IDE: variants seen among roughly 807,000 people sequenced by gnomAD.
The protein encoded by IDE is insulin degrading enzyme.
Under a neutral mutation model 133.2 loss-of-function variants are expected in IDE, and 58 were observed. That is an observed-to-expected ratio of 0.44 (90% confidence interval 0.35 to 0.54). The LOEUF is 0.54. IDE is among the 20% of genes least tolerant of loss of function. IDE has a pLI of 0.00. For missense variants in IDE, 981 were observed against 1,234.0 expected, an observed-to-expected ratio of 0.79 and a Z score of 3.07; for synonymous variants, 396 against 421.3, an observed-to-expected ratio of 0.94 and a Z score of 0.73.
chr10:92,547,122 G>A (rs1043374217), intron 1 of IDE, among the ~76,000 whole-genome samples: 5 of 152,006 alleles, frequency 3.3e-5, no homozygotes, highest in African/African-American at 7.2e-5. Flanking sequence ...CACTCCCAGC[G>A]CCCAGGCTGG....
chr10:92,508,583 G>C (rs1415582645), intron 7 of IDE, 145 bp downstream of exon 7: 2 of 553,160 alleles, frequency 3.6e-6, no homozygotes, highest in Non-Finnish European at 3.0e-6. Flanking sequence ...AAAGGCAACA[G>C]CGTGCCAACA....
intron 1 of IDE, among the ~76,000 whole-genome samples, chr10:92,569,535 T>C (rs1843693667): frequency 6.6e-6 from 1 of 152,154 alleles, no homozygotes; most frequent in Non-Finnish European, 1.5e-5. Flanking sequence ...CAAGAAACTT[T>C]AGGAATCTTT....
intron 14 of IDE, among the ~76,000 whole-genome samples, chr10:92,481,272 G>A (rs536881017): frequency 1.2e-4 from 18 of 152,212 alleles, no homozygotes; most frequent in Admixed American, 9.8e-4. Flanking sequence ...TAATTCCAAG[G>A]AGTGTCCTAA....
chr10:92,478,919 C>A, intron 15 of IDE: 1 of 324,860 alleles, frequency 3.1e-6, no homozygotes, highest in Non-Finnish European at 4.8e-6. Flanking sequence ...TATATGCCAA[C>A]CTTAGGTTTT....
intron 11 of IDE, among the ~76,000 whole-genome samples, chr10:92,500,189 C>T (rs183065622): frequency 6.3e-4 from 96 of 151,616 alleles, no homozygotes; most frequent in African/African-American, 2.1e-3. Flanking sequence ...CCCAGCTACT[C>T]GGGAGGCTGA....
intron 1 of IDE, among the ~76,000 whole-genome samples, chr10:92,545,631 C>T (rs1293758726): frequency 6.6e-6 from 1 of 152,136 alleles, no homozygotes; most frequent in African/African-American, 2.4e-5. Context: ...AGCAAAGGGA[C>T]TGTACTGGAC....
At chr10:92,475,481 T>C (rs1029753010) in intron 16 of IDE, among the ~76,000 whole-genome samples, 2 of 152,228 alleles carry the variant, frequency 1.3e-5, no homozygotes, top group African/African-American at 4.8e-5. Context: ...GTGGAAGATA[T>C]GTCAAACCCA....
chr10:92,552,389 A>G (rs1033928318), intron 1 of IDE, among the ~76,000 whole-genome samples: 3 of 152,214 alleles, frequency 2.0e-5, no homozygotes, highest in African/African-American at 7.2e-5. Context: ...TGTGGTACTA[A>G]GTTGGAATCA....
intron 2 of IDE, among the ~76,000 whole-genome samples, chr10:92,536,238 C>G (rs910745109): frequency 6.6e-6 from 1 of 150,948 alleles, no homozygotes; most frequent in Non-Finnish European, 1.5e-5. Flanking sequence ...CCCAAATTAA[C>G]TGGGCATGAT....
rs1352831970 is a variant in IDE at position 92,506,476 on chromosome 10, C to T, written c.1292G>A (p.Arg431Gln). ...AFRFKDKERP[R>Q]GYTSKIAGIL... ...TCCTGCAATCTTAGATGTATAGCCCCGTGGCCTCTCTTTGTCTTTAAACCT... is the reference window on the plus strand; with the variant it reads ...TCCTGCAATCTTAGATGTATAGCCCTGTGGCCTCTCTTTGTCTTTAAACCT... Residue 431 changes from arginine to glutamine, a missense_variant, in exon 10 of 25, where the codon CGG (arginine) becomes CAG (glutamine). Arg to Gln is a conservative substitution (Grantham distance 43). Transcript: ENST00000265986. 7 of 1,596,028 alleles carry T rather than the reference C, an allele frequency of 4.4e-6. No individual in the cohort carries two copies. Among genetic ancestry groups the T allele is most frequent in the Middle Eastern group, 1.7e-4 (1 of 6,050 alleles).
intron 23 of IDE, 116 bp downstream of exon 23, chr10:92,456,243 A>C (rs1844999583): frequency 2.6e-6 from 2 of 755,374 alleles, no homozygotes; most frequent in Non-Finnish European, 4.8e-6. Context: ...CCTTATCTCC[A>C]GTTTCCGTTC....
chr10:92,475,319 A>C (rs904178283), intron 16 of IDE, among the ~76,000 whole-genome samples: 3 of 152,236 alleles, frequency 2.0e-5, no homozygotes, highest in Non-Finnish European at 2.9e-5. Context: ...ATAAGCAAGC[A>C]ACATAAATAG....
intron 1 of IDE, among the ~76,000 whole-genome samples, chr10:92,540,620 T>C (rs1842254341): frequency 6.6e-6 from 1 of 152,146 alleles, no homozygotes; most frequent in South Asian, 2.1e-4. Context: ...CCTAGTGAGT[T>C]TGACTTAGGT....
chr10:92,485,665 G>A (rs748828795), intron 13 of IDE, among the ~76,000 whole-genome samples: 9 of 152,092 alleles, frequency 5.9e-5, no homozygotes, highest in South Asian at 2.1e-4. Flanking sequence ...AGCAAAAGTC[G>A]GATATGGTAG....
intron 7 of IDE, 151 bp downstream of exon 7, chr10:92,508,577 G>A (rs1832196): frequency 0.16 from 82,374 of 507,410 alleles, 8,381 homozygotes; most frequent in Admixed American, 0.29. Context: ...AAAAAAAAAG[G>A]CAACAGCGTG....
intron 14 of IDE, among the ~76,000 whole-genome samples, chr10:92,480,298 C>A (rs1306621373): frequency 6.6e-6 from 1 of 152,234 alleles, no homozygotes; most frequent in Non-Finnish European, 1.5e-5. Context: ...TATATGCTTA[C>A]TACAGTGCCA....
chr10:92,492,897 G>A (rs1319403529), intron 11 of IDE, among the ~76,000 whole-genome samples: 2 of 152,094 alleles, frequency 1.3e-5, no homozygotes, highest in East Asian at 1.9e-4. Flanking sequence ...ACTTGGTCTT[G>A]TCATCTGCTT....
intron 22 of IDE, among the ~76,000 whole-genome samples, chr10:92,457,448 T>A (rs182296724): frequency 4.6e-5 from 7 of 151,964 alleles, no homozygotes; most frequent in Admixed American, 2.0e-4. Context: ...TAGGTGATGG[T>A]GTCAGAAGCT....
chr10:92,556,512 A>G (rs1428796282), intron 1 of IDE, among the ~76,000 whole-genome samples: 2 of 151,920 alleles, frequency 1.3e-5, no homozygotes, highest in African/African-American at 4.8e-5. Context: ...TAATCCCAGC[A>G]CTTTGGGAGG....
Sources: allele counts gnomAD v4.1 joint callset (sites outside exome capture counted in the v4.1 genomes callset), GRCh38; gene constraint gnomAD v4.1.1; transcripts MANE v1.5; gene names NCBI Gene and HGNC (gene_info 2026-07-23, HGNC 2026-07-21).